NCALD: variants seen among roughly 807,000 people sequenced by gnomAD.
NCALD encodes neurocalcin-delta.
NCALD carries 10 observed loss-of-function variants against 18.6 expected under a neutral mutation model. That is an observed-to-expected ratio of 0.54 (90% CI 0.33 to 0.91). The LOEUF is 0.91. Among genes scored for constraint, NCALD ranks in the 40% least tolerant of loss-of-function variants. NCALD has a pLI of 0.03. For synonymous variants in NCALD, 88 were observed against 87.4 expected (o/e 1.01, Z -0.04); for missense variants, 184 against 247.6 (o/e 0.74, Z 1.72).
rs1822306709 is a variant in NCALD at position 102,022,406 on chromosome 8, C to T, written c.-209-2117G>A. 2.0e-5 allele frequency among the ~76,000 whole-genome samples: 3 copies of T among 152,324 alleles called. No individual in the cohort carries two copies. The South Asian group carries it at 6.2e-4, about 32-fold the overall frequency. ...AACCCACCAGGATGCAATTTTTCAT[C>T]ATTCCATGTGCTTAGCTCAGATGAC... On this transcript the variant is annotated intron_variant, in intron 1 of 6. Coordinates refer to the NCALD transcript ENST00000311028.
chr8:101,939,680 T>C (rs1044737203), intron 2 of NCALD, among the ~76,000 whole-genome samples: 3 of 152,352 alleles, frequency 2.0e-5, no homozygotes, highest in South Asian at 2.1e-4. Flanking sequence ...TTAATGAAAC[T>C]TTATAATAAT....
chr8:102,066,640 C>T (rs796854986), intron 1 of NCALD, among the ~76,000 whole-genome samples: 16 of 152,340 alleles, frequency 1.1e-4, no homozygotes, highest in Admixed American at 2.0e-4. Flanking sequence ...AGGGAAAACC[C>T]GCAGCAAGGC....
intron 4 of NCALD, among the ~76,000 whole-genome samples, chr8:101,866,528 C>T (rs1815777497): frequency 6.6e-6 from 1 of 152,214 alleles, no homozygotes; most frequent in South Asian, 2.1e-4. Context: ...AATATGTCCC[C>T]AGATTGTCCC....
chr8:102,123,375 G>A (rs1825998550), intron 1 of NCALD, among the ~76,000 whole-genome samples: 1 of 149,788 alleles, frequency 6.7e-6, no homozygotes, highest in African/African-American at 2.5e-5. Flanking sequence ...CCCGCAGGAA[G>A]AAACTGACCC....
intron 1 of NCALD, among the ~76,000 whole-genome samples, chr8:101,753,257 G>A (rs1372986229): frequency 6.6e-6 from 1 of 152,190 alleles, no homozygotes; most frequent in Non-Finnish European, 1.5e-5. Context: ...TGGATGAAGG[G>A]AAGATCAGAT....
chr8:101,799,455 C>G (rs1311950550), intron 4 of NCALD, among the ~76,000 whole-genome samples: 1 of 152,206 alleles, frequency 6.6e-6, no homozygotes, highest in Admixed American at 6.5e-5. Context: ...GACACGCTAA[C>G]ACAAAAACCT....
chr8:101,955,525 C>T (rs1280506850), intron 2 of NCALD, among the ~76,000 whole-genome samples: 2 of 152,156 alleles, frequency 1.3e-5, no homozygotes, highest in Non-Finnish European at 1.5e-5. Context: ...TTTGCAAAAA[C>T]AGGCAGTAAG....
chr8:101,850,495 G>T (rs1815048804), intron 4 of NCALD, among the ~76,000 whole-genome samples: 1 of 152,198 alleles, frequency 6.6e-6, no homozygotes, highest in Admixed American at 6.5e-5. Context: ...TTCCTTGAAT[G>T]CAAGTCTACC....
chr8:101,905,267 C>CTCTCCT (rs1195865517), intron 3 of NCALD, among the ~76,000 whole-genome samples: 1 of 146,324 alleles, frequency 6.8e-6, no homozygotes, highest in African/African-American at 2.7e-5. Context: ...GCACCAATCT[C>CTCTCCT]TCTCCTCTCC....
chr8:101,961,272 A>G (rs893183163), intron 2 of NCALD, among the ~76,000 whole-genome samples: 3 of 152,196 alleles, frequency 2.0e-5, no homozygotes, highest in Non-Finnish European at 4.4e-5. Flanking sequence ...ACATTGTGGT[A>G]TAATAAAAAA....
rs74642049 is a variant in NCALD, at chr8:101,864,254, A to G, written c.-20+22887T>C. Among the ~76,000 whole-genome samples the G allele has an allele frequency of 1.8e-3, 279 of 152,306 alleles. 2 individuals are homozygous for G. The highest frequency in any genetic ancestry group is 0.015 in the Admixed American group (234 of 15,298). Reference sequence around the variant, plus strand: ...AGTTGTGAGTTCCAGTTTCCTTTCAAGAGGCTAACTGTGTGCAAATGTGTC... The same window carrying G: ...AGTTGTGAGTTCCAGTTTCCTTTCAGGAGGCTAACTGTGTGCAAATGTGTC... On this transcript the variant is annotated intron_variant, in intron 4 of 6. Coordinates refer to the NCALD transcript ENST00000311028.
chr8:101,707,776 G>A (rs1019545633), intron 2 of NCALD, among the ~76,000 whole-genome samples: 6 of 152,144 alleles, frequency 3.9e-5, no homozygotes, highest in Admixed American at 1.3e-4. Context: ...GCTGAGGCAG[G>A]AGAATCTCTT....
intron 2 of NCALD, among the ~76,000 whole-genome samples, chr8:101,944,198 T>G (rs890351590): frequency 1.3e-5 from 2 of 152,126 alleles, no homozygotes; most frequent in African/African-American, 4.8e-5. Context: ...CCTATCACCC[T>G]TTTTGAGAGA....
Position 102,031,201 on chromosome 8 carries a change from C to T in NCALD, c.-209-10912G>A, listed in dbSNP as rs571629286. Among the ~76,000 whole-genome samples, 12 of 152,220 alleles carry T rather than the reference C, an allele frequency of 7.9e-5. 1 individual carries two copies. In the South Asian group the frequency reaches 1.9e-3, roughly 24 times the overall value. The stretch of plus-strand genomic sequence containing the variant: ...CACAATGAAATGTACCGTAAGATTG[C>T]AATCAGCAAAATCTAGTCTATGAGA... On this transcript the variant is annotated intron_variant, in intron 1 of 6. Transcript: ENST00000311028.
intron 1 of NCALD, among the ~76,000 whole-genome samples, chr8:102,055,869 A>T (rs1823632234): frequency 6.6e-6 from 1 of 152,180 alleles, no homozygotes; most frequent in East Asian, 1.9e-4. Flanking sequence ...CTACTTTTAA[A>T]GCCTCATTTT....
intron 2 of NCALD, among the ~76,000 whole-genome samples, chr8:102,013,220 G>A (rs1425885509): frequency 6.6e-6 from 1 of 152,088 alleles, no homozygotes; most frequent in Admixed American, 6.5e-5. Flanking sequence ...GGTGGTCTAG[G>A]TACCTCCCCT....
At chr8:101,890,178 C>G (rs1220927504) in intron 3 of NCALD, among the ~76,000 whole-genome samples, 3 of 152,008 alleles carry the variant, frequency 2.0e-5, no homozygotes, top group Non-Finnish European at 4.4e-5. Flanking sequence ...AAAAAGACAA[C>G]ACAATAGAAA....
intron 2 of NCALD, among the ~76,000 whole-genome samples, chr8:101,941,494 A>T (rs1818955005): frequency 6.6e-6 from 1 of 152,236 alleles, no homozygotes; most frequent in South Asian, 2.1e-4. Flanking sequence ...CCCCTGACAC[A>T]GACTACTTTG....
intron 4 of NCALD, among the ~76,000 whole-genome samples, chr8:101,798,639 C>G (rs573710995): frequency 6.6e-6 from 1 of 151,796 alleles, no homozygotes; most frequent in East Asian, 1.9e-4. Flanking sequence ...AGATTTGTTA[C>G]AGATATATAT....
Sources: gnomAD v4.1 joint callset for allele counts (sites outside exome capture counted in the v4.1 genomes callset) on GRCh38, gnomAD v4.1.1 for gene constraint, MANE v1.5 for transcripts, NCBI Gene and HGNC (gene_info 2026-07-23, HGNC 2026-07-21) for gene names.